FAM20A: variants seen among roughly 807,000 people sequenced by gnomAD.
FAM20A encodes the protein FAM20A golgi associated secretory pathway pseudokinase.
FAM20A carries 42 observed loss-of-function variants against 52.0 expected under a neutral mutation model. The ratio of observed to expected loss-of-function variants is 0.81; its 90% CI spans 0.63 to 1.04. The LOEUF is 1.04. Ranked by LOEUF, FAM20A falls within the 50% of genes least tolerant of loss-of-function variation. The pLI is 0.00. For missense variants in FAM20A, 742 were observed against 712.7 expected, an observed-to-expected ratio of 1.04 and a Z score of -0.47; for synonymous variants, 304 against 298.9, an observed-to-expected ratio of 1.02 and a Z score of -0.18.
In FAM20A at chr17:68,601,061, G is replaced by GCGGAGGGCGGA. The variant is rs2088611471; in HGVS notation, c.-406_-396dup. 1.3e-5 allele frequency: 2 copies of GCGGAGGGCGGA among 151,140 alleles called. No individual in the cohort carries two copies. The allele number at this position is 151,140 out of a possible 1,614,324, so 9.4% of individuals were successfully genotyped here. A position where few individuals can be genotyped will look rare whatever the true frequency, so the allele number is the denominator to read the frequency against. On this transcript the variant is annotated 5_prime_UTR_variant, in exon 1 of 11. Transcript: ENST00000592554. ...ACGGGCGACGGGGCGGGGGGCGACC[G>GCGGAGGGCGGA]CGGAGGGCGGACGGAGGCCGCCGGC...
intron 8 of FAM20A, 26 bp downstream of exon 8, chr17:68,540,823 C>G (rs1271951433): frequency 6.4e-7 from 1 of 1,574,494 alleles, no homozygotes; most frequent in African/African-American, 1.3e-5. Context: ...CCCACTTCTG[C>G]TGGGGGCCTG....
In FAM20A at chr17:68,535,208, C is replaced by T. The variant is rs1222089706; in HGVS notation, c.*2269G>A. The T allele has an allele frequency of 2.2e-6, 1 of 447,726 alleles. No individual in the cohort carries two copies. Among genetic ancestry groups the T allele is most frequent in the Non-Finnish European group, 4.5e-6 (1 of 222,390 alleles). 27.7% of individuals were successfully genotyped at this position (447,726 alleles called of 1,614,324 possible). The stretch of plus-strand genomic sequence containing the variant: ...GAGTAAGAATGAAACGGTTGGTTTT[C>T]TGATATTTTTGAGAAATGAGTCTTA... On this transcript the variant is annotated 3_prime_UTR_variant, in exon 11 of 11. Coordinates refer to ENST00000592554, the MANE Select transcript of FAM20A (RefSeq NM_017565.4).
rs1208171352 is a variant in FAM20A, at chr17:68,536,713, T to C, written c.*764A>G. On this transcript the variant is annotated 3_prime_UTR_variant, in exon 11 of 11. Coordinates refer to ENST00000592554, the MANE Select transcript of FAM20A (RefSeq NM_017565.4). ...CCCTGCTAGGCCTGTTCCCATGCCA[T>C]CCTGACCTTGGAGGACTTTCCTTTT... The C allele has an allele frequency of 4.4e-6, 2 of 454,004 alleles. No individual in the cohort carries two copies. Among genetic ancestry groups the C allele is most frequent in the Non-Finnish European group, 8.8e-6 (2 of 226,800 alleles). 28.1% of individuals were successfully genotyped at this position (454,004 alleles called of 1,614,324 possible). A position where few individuals can be genotyped will look rare whatever the true frequency, so the allele number is the denominator to read the frequency against.
chr17:68,587,975 C>T (rs1444948285), intron 1 of FAM20A, among the ~76,000 whole-genome samples: 2 of 152,118 alleles, frequency 1.3e-5, no homozygotes, highest in African/African-American at 2.4e-5. Context: ...AAAGGAAGTG[C>T]TTATGAGTTT....
chr17:68,543,677 A>T lies in FAM20A; in HGVS notation c.764T>A (p.Ile255Asn). 6.2e-7 allele frequency: 1 copy of T among 1,614,162 alleles called. No individual in the cohort carries two copies. Among genetic ancestry groups the T allele is most frequent in the Non-Finnish European group, 8.5e-7 (1 of 1,180,014 alleles). Residue 255 changes from isoleucine to asparagine, a missense_variant, in exon 5 of 11, where the codon ATT becomes AAT. Transcript: ENST00000592554. The stretch of plus-strand genomic sequence containing the variant: ...CTCAGCATTGTGTCTCTGAAAGTCA[A>T]TGAAGTAGAAGAAGTCCACTGGTGT... ...EETPVDFFYF[I>N]DFQRHNAEIA...
chr17:68,585,323 T>TATTA (rs10653061), intron 1 of FAM20A, among the ~76,000 whole-genome samples: 119,684 of 151,324 alleles, frequency 0.79, 47,678 homozygotes, highest in East Asian at 0.92. Context: ...ACACTATGTT[T>TATTA]ATTAATATCC....
chr17:68,588,699 A>T (rs2088225027), intron 1 of FAM20A, among the ~76,000 whole-genome samples: 1 of 152,174 alleles, frequency 6.6e-6, no homozygotes, highest in Non-Finnish European at 1.5e-5. Context: ...TTGGATCAAG[A>T]CCTACCCACA....
intron 1 of FAM20A, among the ~76,000 whole-genome samples, chr17:68,589,261 A>C: frequency 6.6e-6 from 1 of 152,240 alleles, no homozygotes; most frequent in African/African-American, 2.4e-5. Context: ...CAGTACAGCC[A>C]AGATCAGCGG....
intron 1 of FAM20A, among the ~76,000 whole-genome samples, chr17:68,580,240 A>G (rs1216154739): frequency 6.6e-6 from 1 of 152,198 alleles, no homozygotes; most frequent in African/African-American, 2.4e-5. Flanking sequence ...ATTTCCTTGG[A>G]GCCTTCTTAA....
chr17:68,583,565 TCTC>T (rs1251969518), intron 1 of FAM20A, among the ~76,000 whole-genome samples: 1 of 152,184 alleles, frequency 6.6e-6, no homozygotes, highest in Non-Finnish European at 1.5e-5. Context: ...GTCAGAATGA[TCTC>T]CTCATCTCAA....
intron 2 of FAM20A, among the ~76,000 whole-genome samples, 192 bp from the exon 3 acceptor site, chr17:68,555,019 C>T (rs1370115085): frequency 1.3e-5 from 2 of 152,182 alleles, no homozygotes; most frequent in Non-Finnish European, 2.9e-5. Context: ...GTGTCCCAGA[C>T]CCCTGCTCTC....
At chr17:68,587,317 T>C (rs2088189683) in intron 1 of FAM20A, among the ~76,000 whole-genome samples, 1 of 152,204 alleles carries the variant, frequency 6.6e-6, no homozygotes, top group African/African-American at 2.4e-5. Context: ...AGAAAATCCA[T>C]CCTTGATGAT....
Position 68,572,007 on chromosome 17 carries a change from T to C in FAM20A, c.405-16264A>G, listed in dbSNP as rs1473294414. Among the ~76,000 whole-genome samples, 49 of 41,502 alleles carry C rather than the reference T, an allele frequency of 1.2e-3. 2 individuals carry two copies. The highest frequency in any genetic ancestry group is 4.2e-3 in the African/African-American group (46 of 10,880). 27.2% of individuals were successfully genotyped at this position (41,502 alleles called of 152,430 possible). On this transcript the variant is annotated intron_variant, in intron 1 of 10. Transcript: ENST00000592554. ...ACATACATATATATATATATATATA[T>C]ATATATATATATATATATATATATA... is the stretch of plus-strand genomic sequence containing the variant.
intron 1 of FAM20A, among the ~76,000 whole-genome samples, chr17:68,589,659 T>TA (rs1317304963): frequency 6.6e-6 from 1 of 152,028 alleles, no homozygotes; most frequent in African/African-American, 2.4e-5. Context: ...ATCAGTGGTT[T>TA]AAAAAAAATT....
chr17:68,552,666 CTTTTTTTTT>C (rs576230517), intron 3 of FAM20A, among the ~76,000 whole-genome samples: 3 of 66,844 alleles, frequency 4.5e-5, no homozygotes, highest in African/African-American at 1.4e-4. Context: ...CTTTATTTTC[CTTTTTTTTT>C]TTTTTTTTTT....
intron 1 of FAM20A, among the ~76,000 whole-genome samples, chr17:68,592,250 C>G (rs2088334150): frequency 6.6e-6 from 1 of 152,084 alleles, no homozygotes; most frequent in African/African-American, 2.4e-5. Context: ...ACTGGTTGTG[C>G]ATAATTCTGA....
intron 1 of FAM20A, among the ~76,000 whole-genome samples, chr17:68,581,359 TTTCTTTCTTTCTTTC>T (rs1342263713): frequency 8.8e-6 from 1 of 113,802 alleles, no homozygotes; most frequent in Non-Finnish European, 1.9e-5. Flanking sequence ...TTTTTCTTTC[TTTCTTTCTTTCTTTC>T]TTTCTTTCTT....
intron 1 of FAM20A, among the ~76,000 whole-genome samples, chr17:68,581,897 T>C (rs1480758508): frequency 6.6e-6 from 1 of 152,086 alleles, no homozygotes; most frequent in African/African-American, 2.4e-5. Flanking sequence ...TTGTGTAACA[T>C]ACTCTGTCTG....
rs968922956 is a variant in FAM20A at position 68,600,189 on chromosome 17, G to C, written c.404+74C>G. 6 of 1,510,358 alleles carry C rather than the reference G, an allele frequency of 4.0e-6. No homozygotes were observed. The highest frequency in any genetic ancestry group is 5.3e-6 in the Non-Finnish European group (6 of 1,126,378). The allele number at this position is 1,510,358 out of a possible 1,614,324, so 93.6% of individuals were successfully genotyped here. ...TGCAGCCCTGGGCCGGGGGCGTCAG[G>C]AAACTCGAGACTGGGGCGCGGGGAG... On this transcript the variant is annotated intron_variant, in intron 1 of 10. Transcript: ENST00000592554. This position sits in a 1 kb window ranked among gnomAD's most constrained non-coding sequence, Gnocchi z 6.2.
Sources: allele counts gnomAD v4.1 joint callset (sites outside exome capture counted in the v4.1 genomes callset), GRCh38; gene constraint gnomAD v4.1.1; non-coding constraint Gnocchi (gnomAD v3.1); transcripts MANE v1.5; gene names NCBI Gene and HGNC (gene_info 2026-07-23, HGNC 2026-07-21).